PRKAG2: variants seen among roughly 807,000 people sequenced by gnomAD.
PRKAG2 encodes the protein 5'-AMP-activated protein kinase subunit gamma-2.
Under a neutral mutation model 69.6 loss-of-function variants are expected in PRKAG2, and 26 were observed. The ratio of observed to expected loss-of-function variants is 0.37; its 90% CI spans 0.27 to 0.52. The LOEUF is 0.52. PRKAG2 is among the 20% of genes least tolerant of loss of function. PRKAG2 has a pLI of 0.90. For missense variants in PRKAG2, 557 were observed against 740.0 expected (o/e 0.75, Z 2.87); for synonymous variants, 293 against 285.0 (o/e 1.03, Z -0.28).
intron 15 of PRKAG2, chr7:151,558,627 T>G: frequency 3.1e-6 from 3 of 969,846 alleles, no homozygotes; most frequent in Non-Finnish European, 3.7e-6. Context: ...AGTTCACTTG[T>G]AATCCAGTTA....
chr7:151,755,414 G>A lies in PRKAG2; in HGVS notation c.466+25738C>T, dbSNP rs118085326. The stretch of plus-strand genomic sequence containing the variant: ...GAGCAGAGGAAGACAGGGGGTGGGT[G>A]TGCACAAGACACAGTCAGAGCCAGC... On this transcript the variant is annotated intron_variant, in intron 3 of 15. Coordinates refer to ENST00000287878, the MANE Select transcript of PRKAG2 (RefSeq NM_016203.4). Among the ~76,000 whole-genome samples, 1,148 of 152,228 alleles carry A rather than the reference G, an allele frequency of 7.5e-3. 6 individuals carry two copies. The highest frequency in any genetic ancestry group is 0.014 in the Non-Finnish European group (978 of 67,988).
chr7:151,874,189 T>TATGTATATG (rs1319828375), intron 1 of PRKAG2, among the ~76,000 whole-genome samples: 1 of 134,082 alleles, frequency 7.5e-6, no homozygotes, highest in Non-Finnish European at 1.5e-5. Context: ...TGTATATGTA[T>TATGTATATG]ATGTATATGA....
chr7:151,800,902 C>T (rs550646764), intron 1 of PRKAG2, among the ~76,000 whole-genome samples: 62 of 152,266 alleles, frequency 4.1e-4, no homozygotes, highest in East Asian at 1.9e-3. Context: ...TAATGCCAGA[C>T]GCAGACAACA....
chr7:151,683,961 C>T (rs1224015057), intron 3 of PRKAG2, among the ~76,000 whole-genome samples: 3 of 152,158 alleles, frequency 2.0e-5, no homozygotes, highest in African/African-American at 7.2e-5. Context: ...TTCTCAGGTG[C>T]CCTCTGGCCT....
chr7:151,690,980 C>G (rs887417954), intron 3 of PRKAG2, among the ~76,000 whole-genome samples: 1 of 152,188 alleles, frequency 6.6e-6, no homozygotes, highest in Non-Finnish European at 1.5e-5. Flanking sequence ...TAGTGCTCAA[C>G]AAGTAGACAA....
At chr7:151,568,980 G>T in intron 10 of PRKAG2, 138 bp from the exon 11 acceptor site, 1 of 1,010,664 alleles carries the variant, frequency 9.9e-7, no homozygotes, top group Non-Finnish European at 1.5e-6. Context: ...TTAAATTAGA[G>T]ATCTCAGCAA....
intron 6 of PRKAG2, among the ~76,000 whole-genome samples, chr7:151,578,371 C>G (rs1305705068): frequency 6.6e-6 from 1 of 152,098 alleles, no homozygotes; most frequent in Non-Finnish European, 1.5e-5. Context: ...AATGAACAAA[C>G]AAAACAAACA....
chr7:151,597,046 T>C (rs575986167), intron 5 of PRKAG2, among the ~76,000 whole-genome samples: 1 of 152,200 alleles, frequency 6.6e-6, no homozygotes, highest in East Asian at 1.9e-4. Flanking sequence ...AAAGCTATAA[T>C]AACCAAAACA....
At chr7:151,599,962 A>G (rs1030381349) in intron 5 of PRKAG2, among the ~76,000 whole-genome samples, 1 of 152,018 alleles carries the variant, frequency 6.6e-6, no homozygotes, top group Non-Finnish European at 1.5e-5. Flanking sequence ...TGTCTCTTCC[A>G]TGGGGCCTGA....
At chr7:151,845,600 TGG>T (rs1265925633) in intron 1 of PRKAG2, among the ~76,000 whole-genome samples, 6 of 151,952 alleles carry the variant, frequency 3.9e-5, no homozygotes, top group Non-Finnish European at 2.9e-5. Context: ...GACTGACTCG[TGG>T]GGGAGGCGCT....
intron 1 of PRKAG2, among the ~76,000 whole-genome samples, chr7:151,812,748 C>G (rs1046123024): frequency 2.6e-5 from 4 of 152,214 alleles, no homozygotes; most frequent in African/African-American, 9.6e-5. Context: ...CACCCCACTC[C>G]CAGCTTCAAA....
rs201826453 is a variant in PRKAG2, at chr7:151,557,242, G to A, written c.1679-10C>T. 6.8e-6 allele frequency: 11 copies of A among 1,614,000 alleles called. No individual in the cohort carries two copies. In the African/African-American group the frequency reaches 1.2e-4, roughly 18 times the overall value. On this transcript the variant is annotated splice_polypyrimidine_tract_variant and intron_variant, in intron 15 of 15. Coordinates refer to ENST00000287878, the MANE Select transcript of PRKAG2 (RefSeq NM_016203.4). The stretch of plus-strand genomic sequence containing the variant: ...TCCTTTTGTTTGGCACCTGTCAGTG[G>A]ATGGAAGATGAAAGTTTCAAAGCTC...
intron 1 of PRKAG2, among the ~76,000 whole-genome samples, chr7:151,827,745 TAAAAAAAA>T (rs55685618): frequency 6.3e-4 from 33 of 52,258 alleles, no homozygotes; most frequent in South Asian, 3.4e-3. Flanking sequence ...TGGCCTTAGG[TAAAAAAAA>T]AAAAAAAAAA....
chr7:151,561,471 AAGAAT>A (rs1804933846), intron 14 of PRKAG2, among the ~76,000 whole-genome samples: 1 of 152,216 alleles, frequency 6.6e-6, no homozygotes, highest in Non-Finnish European at 1.5e-5. Flanking sequence ...TTCATATATT[AAGAAT>A]CGCATCCAAG....
chr7:151,761,794 G>A (rs1048291872), intron 3 of PRKAG2, among the ~76,000 whole-genome samples: 2 of 152,188 alleles, frequency 1.3e-5, no homozygotes, highest in African/African-American at 4.8e-5. Flanking sequence ...CAACTGCGTG[G>A]AGAATCACCT....
intron 4 of PRKAG2, among the ~76,000 whole-genome samples, chr7:151,649,386 A>C (rs1417675760): frequency 6.6e-6 from 1 of 152,178 alleles, no homozygotes; most frequent in African/African-American, 2.4e-5. Flanking sequence ...TTGGCCTCCC[A>C]AAGTGCTGGG....
At chr7:151,654,259 G>A (rs946749180) in intron 4 of PRKAG2, among the ~76,000 whole-genome samples, 6 of 152,134 alleles carry the variant, frequency 3.9e-5, no homozygotes, top group South Asian at 2.1e-4. Flanking sequence ...GGATGAGGAC[G>A]AGGCTTGCAG....
intron 3 of PRKAG2, among the ~76,000 whole-genome samples, chr7:151,736,963 C>A (rs2073465128): frequency 6.6e-6 from 1 of 152,212 alleles, no homozygotes. Flanking sequence ...TTCTAATCTC[C>A]TTGACTCCTA....
At chr7:151,858,252 C>T (rs1051826851) in intron 1 of PRKAG2, among the ~76,000 whole-genome samples, 1 of 151,548 alleles carries the variant, frequency 6.6e-6, no homozygotes, top group East Asian at 1.9e-4. Flanking sequence ...CCCTCCCTTA[C>T]ACTCCCCTCT....
Sources: gnomAD v4.1 joint callset for allele counts (sites outside exome capture counted in the v4.1 genomes callset) on GRCh38, gnomAD v4.1.1 for gene constraint, MANE v1.5 for transcripts, NCBI Gene and HGNC (gene_info 2026-07-23, HGNC 2026-07-21) for gene names.